CCNB2: variants seen among roughly 807,000 people sequenced by gnomAD.
CCNB2 encodes cyclin B2, also known as G2/mitotic-specific cyclin-B2.
A neutral mutation model predicts 51.1 loss-of-function variants in CCNB2; 39 were observed. The ratio of observed to expected loss-of-function variants is 0.76; its 90% CI spans 0.59 to 1.00. The LOEUF is 1.00. CCNB2 is among the 50% of genes least tolerant of loss of function. CCNB2 has a pLI of 0.00. For synonymous variants in CCNB2, 174 were observed against 165.5 expected, an observed-to-expected ratio of 1.05 and a Z score of -0.40; for missense variants, 472 against 470.3, an observed-to-expected ratio of 1.00 and a Z score of -0.03.
At chr15:59,105,366 G>A (rs1455714010) in intron 1 of CCNB2, 74 bp downstream of exon 1, 2 of 1,476,904 alleles carry the variant, frequency 1.4e-6, no homozygotes, top group African/African-American at 1.4e-5. Flanking sequence ...TCTCTCATCT[G>A]CTCCGAGCTT....
At chr15:59,107,885 G>A (rs1276263560) in intron 3 of CCNB2, among the ~76,000 whole-genome samples, 1 of 152,142 alleles carries the variant, frequency 6.6e-6, no homozygotes, top group East Asian at 1.9e-4. Flanking sequence ...TGTAATCTCA[G>A]CACTTTGAGA....
Position 59,107,318 on chromosome 15 carries a change from TCA to T in CCNB2, c.25-3_25-2del. On this transcript the variant is annotated splice_acceptor_variant and splice_polypyrimidine_tract_variant and intron_variant, in intron 1 of 8. Transcript: ENST00000288207. LOFTEE classifies it high-confidence loss of function. The stretch of plus-strand genomic sequence containing the variant: ...GTTTCATTACTTTTTTTTTTTTTTT[TCA>T]GGTGTCCAGTGATTTGGAGAATATT... 1.9e-6 allele frequency: 3 copies of T among 1,545,614 alleles called. No individual in the cohort carries two copies. Among genetic ancestry groups the T allele is most frequent in the South Asian group, 1.2e-5 (1 of 82,180 alleles).
At chr15:59,122,182 C>A (rs545707055) in intron 7 of CCNB2, among the ~76,000 whole-genome samples, 4 of 148,840 alleles carry the variant, frequency 2.7e-5, no homozygotes, top group Non-Finnish European at 5.9e-5. Context: ...ATGAAAAAAA[C>A]GTACTTTCGC....
Position 59,113,759 on chromosome 15 carries a change from C to T in CCNB2, c.268-685C>T, listed in dbSNP as rs77278937. Reference sequence around the variant, plus strand: ...TTGGTTTTGAGGCGGAGTCTTGTTCCGTCCAGCCCAGGCTGGAGTGCAGTG... The same window carrying T: ...TTGGTTTTGAGGCGGAGTCTTGTTCTGTCCAGCCCAGGCTGGAGTGCAGTG... On this transcript the variant is annotated intron_variant, in intron 3 of 8. Transcript: ENST00000288207. Among the ~76,000 whole-genome samples the T allele has an allele frequency of 5.0e-3, 763 of 152,224 alleles. 6 individuals carry two copies. The highest frequency in any genetic ancestry group is 0.017 in the African/African-American group (724 of 41,538).
intron 8 of CCNB2, 75 bp downstream of exon 8, chr15:59,123,702 G>GCCCCCCC: frequency 1.5e-6 from 1 of 677,792 alleles, no homozygotes; most frequent in Non-Finnish European, 2.6e-6. Flanking sequence ...GCGGGGGGGG[G>GCCCCCCC]CGGTGTGTGC....
At position 59,124,979 on chromosome 15, in the gene CCNB2, C is replaced by G. The variant is rs1419282857; in HGVS notation, c.*102C>G. 6.5e-6 allele frequency: 4 copies of G among 612,536 alleles called. No individual in the cohort carries two copies. Among genetic ancestry groups the G allele is most frequent in the African/African-American group, 1.9e-5 (1 of 51,632 alleles). The allele number at this position is 612,536 out of a possible 1,614,324, so 37.9% of individuals were successfully genotyped here. On this transcript the variant is annotated 3_prime_UTR_variant, in exon 9 of 9. Transcript: ENST00000288207. ...AGTCCTCTGGTCTATCTCATGAAAC[C>G]TCTTCTCAGACCAGTTTTCTAAACA... is the stretch of plus-strand genomic sequence containing the variant.
At chr15:59,124,184 A>C (rs1451609649) in intron 8 of CCNB2, 2 of 162,128 alleles carry the variant, frequency 1.2e-5, no homozygotes, top group African/African-American at 4.8e-5. Context: ...GAGGAGCCAA[A>C]GGAGACTTAG....
Position 59,116,709 on chromosome 15 carries a change from A to G in CCNB2, c.617A>G (p.Lys206Arg), listed in dbSNP as rs1055013442. The change falls in exon 6 of 9, where the codon AAG becomes AGG. Residue 206 changes from lysine (K) to arginine (R), a missense_variant. Transcript: ENST00000288207. ...CATTAGGTTCAGCCAGTTTCCCGGA[A>G]GAAGCTTCAATTAGTTGGGATTACT... Reference protein sequence around the residue: ...RFLQVQPVSRKKLQLVGITAL... With the variant: ...RFLQVQPVSRRKLQLVGITAL... The G allele has an allele frequency of 1.9e-6, 3 of 1,610,808 alleles. No homozygotes were observed. The highest frequency in any genetic ancestry group is 2.5e-6 in the Non-Finnish European group (3 of 1,178,712).
intron 7 of CCNB2, 141 bp downstream of exon 7, chr15:59,117,509 C>A: frequency 2.3e-6 from 2 of 856,882 alleles, no homozygotes; most frequent in Non-Finnish European, 3.6e-6. Flanking sequence ...CATTCTGTCA[C>A]GTAGGCTGGA....
chr15:59,107,722 C>G (rs773635827), intron 3 of CCNB2, 52 bp downstream of exon 3: 1 of 1,394,676 alleles, frequency 7.2e-7, no homozygotes, highest in East Asian at 2.3e-5. Context: ...CTGTTTTTAG[C>G]CAGACTACAA....
At position 59,107,767 on chromosome 15, in the gene CCNB2, C is replaced by T. The variant is rs868701470; in HGVS notation, c.267+97C>T. The T allele has an allele frequency of 7.2e-6, 6 of 834,322 alleles. No homozygotes were observed. In the African/African-American group the frequency reaches 1.0e-4, roughly 14 times the overall value. The allele number at this position is 834,322 out of a possible 1,614,324, so 51.7% of individuals were successfully genotyped here. ...TATCATTGCTGTACCTTCTAACGAA[C>T]ATTCATAGCTGGAGCTCTGCTTTGA... On this transcript the variant is annotated intron_variant, in intron 3 of 8. Transcript: ENST00000288207.
Position 59,107,435 on chromosome 15 carries a change from A to C in CCNB2, c.138A>C (p.Ala46=), listed in dbSNP as rs547223062. Residue 46 remains alanine, a synonymous_variant, in exon 2 of 9, where the codon GCA becomes GCC. Transcript: ENST00000288207. ...EEIGNRVTTR[A]AQVAKKAQNT... Reference sequence around the variant, plus strand: ...TTGGAAATAGAGTTACAACCAGAGCAGCACAAGTAGCTAAGGTAACAATGA... The same window carrying C: ...TTGGAAATAGAGTTACAACCAGAGCCGCACAAGTAGCTAAGGTAACAATGA... The C allele has an allele frequency of 6.2e-7, 1 of 1,614,174 alleles. No homozygotes were observed. Among genetic ancestry groups the C allele is most frequent in the South Asian group, 1.1e-5 (1 of 91,086 alleles).
At chr15:59,109,802 C>G (rs1313999148) in intron 3 of CCNB2, among the ~76,000 whole-genome samples, 1 of 152,010 alleles carries the variant, frequency 6.6e-6, no homozygotes, top group African/African-American at 2.4e-5. Context: ...CTGGCTAACA[C>G]AGTAAAACCC....
chr15:59,120,423 G>C (rs2079297386), intron 7 of CCNB2, among the ~76,000 whole-genome samples: 1 of 152,128 alleles, frequency 6.6e-6, no homozygotes, highest in Non-Finnish European at 1.5e-5. Flanking sequence ...CCAGGAGTTG[G>C]AGGCTGCATT....
Position 59,116,689 on chromosome 15 carries a change from G to A in CCNB2, c.598-1G>A. 6.2e-7 allele frequency: 1 copy of A among 1,604,812 alleles called. No individual in the cohort carries two copies. Reference sequence around the variant, plus strand: ...CTTTTGTTACATTAATTTTCCATTAGGTTCAGCCAGTTTCCCGGAAGAAGC... The same window carrying A: ...CTTTTGTTACATTAATTTTCCATTAAGTTCAGCCAGTTTCCCGGAAGAAGC... On this transcript the variant is annotated splice_acceptor_variant, in intron 5 of 8. Coordinates refer to ENST00000288207, the MANE Select transcript of CCNB2 (RefSeq NM_004701.4). LOFTEE classifies it high-confidence loss of function.
In CCNB2 at chr15:59,105,273, C is replaced by A. The variant is rs773160088; in HGVS notation, c.5C>A (p.Ala2Glu). The A allele has an allele frequency of 6.4e-6, 10 of 1,567,366 alleles. No homozygotes were observed. Among genetic ancestry groups the A allele is most frequent in the Non-Finnish European group, 8.6e-6 (10 of 1,159,272 alleles). ...CTCTTGCCTTCCCCGTCCCTCATGG[C>A]GCTGCTCCGACGCCCGACGGTGAGT... M[A>E]LLRRPTVSSD... The change falls in exon 1 of 9, where the codon GCG becomes GAG. Residue 2 changes from alanine to glutamate, a missense_variant. Transcript: ENST00000288207.
At chr15:59,115,738 A>T (rs552243371) in intron 5 of CCNB2, 1 of 152,054 alleles carries the variant, frequency 6.6e-6, no homozygotes, top group African/African-American at 2.4e-5. Context: ...TTTATTTTTT[A>T]TTTTTTTGAG....
intron 6 of CCNB2, 63 bp downstream of exon 6, chr15:59,116,989 C>T (rs1233814527): frequency 7.3e-7 from 1 of 1,361,734 alleles, no homozygotes; most frequent in East Asian, 2.3e-5. Flanking sequence ...GAAACCTTGA[C>T]CTAATTTAAG....
At chr15:59,122,248 TTTTTTTTTTTTTTTTTTTGAG>T (rs1273624056) in intron 7 of CCNB2, among the ~76,000 whole-genome samples, 4 of 130,950 alleles carry the variant, frequency 3.1e-5, no homozygotes, top group Admixed American at 7.7e-5. Context: ...TATCTTTTTT[TTTTTTTTTTTTTTTTTTTGAG>T]ACAGAGTCTT....
Sources: gnomAD v4.1 joint callset for allele counts (sites outside exome capture counted in the v4.1 genomes callset) on GRCh38, gnomAD v4.1.1 for gene constraint, MANE v1.5 for transcripts, NCBI Gene and HGNC (gene_info 2026-07-23, HGNC 2026-07-21) for gene names.